The following ABCC4 variants were observed in gnomAD, a reference collection of about 807,000 sequenced individuals.
ABCC4 encodes the protein ATP-binding cassette sub-family C member 4.
In ABCC4, 102 loss-of-function variants were observed where a neutral mutation model predicts 168.5. The observed-to-expected ratio is 0.61, with a 90% CI of 0.52 to 0.71. The LOEUF (loss-of-function observed/expected upper bound fraction) is 0.71, where lower values mean the gene tolerates loss of function less well. ABCC4 is among the 30% of genes least tolerant of loss of function. The pLI is 0.00. For synonymous variants in ABCC4, 617 were observed against 590.7 expected (o/e 1.04, Z -0.65); for missense variants, 1,402 against 1,605.8 (o/e 0.87, Z 2.17).
At chr13:95,239,092 G>A (rs61972726) in intron 3 of ABCC4, among the ~76,000 whole-genome samples, 10,136 of 90,238 alleles carry the variant, frequency 0.11, 373 homozygotes, top group East Asian at 0.31. Context: ...TAGTTTATTT[G>A]ACTGTAAAAA....
At chr13:95,222,110 C>T (rs1290863750) in intron 4 of ABCC4, among the ~76,000 whole-genome samples, 1 of 152,190 alleles carries the variant, frequency 6.6e-6, no homozygotes, top group Non-Finnish European at 1.5e-5. Flanking sequence ...TGCATATGCC[C>T]TCACCCTCCA....
At chr13:95,034,781 T>G in intron 29 of ABCC4, 42 bp from the exon 30 acceptor site, 1 of 1,612,646 alleles carries the variant, frequency 6.2e-7, no homozygotes, top group Non-Finnish European at 8.5e-7. Context: ...CACAATGTTT[T>G]GCAGTAACAT....
At chr13:95,128,763 T>C (rs1412020715) in intron 19 of ABCC4, among the ~76,000 whole-genome samples, 1 of 152,186 alleles carries the variant, frequency 6.6e-6, no homozygotes, top group African/African-American at 2.4e-5. Flanking sequence ...CATTTTTGGT[T>C]CCCTGAACCT....
intron 4 of ABCC4, among the ~76,000 whole-genome samples, chr13:95,231,454 G>T (rs1312244737): frequency 6.6e-6 from 1 of 152,116 alleles, no homozygotes; most frequent in Non-Finnish European, 1.5e-5. Flanking sequence ...CATTCCATTT[G>T]CAACAGCCAA....
intron 30 of ABCC4, among the ~76,000 whole-genome samples, chr13:95,030,577 G>A (rs935589058): frequency 1.3e-5 from 2 of 152,164 alleles, no homozygotes; most frequent in Admixed American, 1.3e-4. Flanking sequence ...CCTTTAGGGT[G>A]GGCCCTGATC....
chr13:95,098,072 G>T (rs920552461), intron 20 of ABCC4, among the ~76,000 whole-genome samples: 15 of 150,142 alleles, frequency 1.0e-4, no homozygotes, highest in Middle Eastern at 6.4e-3. Context: ...GGAGGTGGAG[G>T]TTGCAGTGAG....
At chr13:95,066,346 C>A (rs999740239) in intron 25 of ABCC4, among the ~76,000 whole-genome samples, 2 of 152,200 alleles carry the variant, frequency 1.3e-5, no homozygotes, top group Admixed American at 1.3e-4. Flanking sequence ...GCCATAAAAT[C>A]TGCGAATTCC....
At chr13:95,272,813 G>A (rs917659478) in intron 1 of ABCC4, among the ~76,000 whole-genome samples, 3 of 152,128 alleles carry the variant, frequency 2.0e-5, no homozygotes, top group South Asian at 2.1e-4. Context: ...GCTTGAACCC[G>A]GGAGGCAGAG....
chr13:95,188,101 C>T (rs918545136), intron 10 of ABCC4, among the ~76,000 whole-genome samples: 22 of 152,172 alleles, frequency 1.4e-4, no homozygotes, highest in African/African-American at 4.6e-4. Context: ...GCCTTCATAA[C>T]CTCCAGATGT....
intron 14 of ABCC4, among the ~76,000 whole-genome samples, chr13:95,167,108 C>T (rs1026349959): frequency 1.3e-5 from 2 of 151,772 alleles, no homozygotes; most frequent in East Asian, 3.9e-4. Context: ...ACCCAGAAGG[C>T]GGAGGTTGCA....
intron 20 of ABCC4, among the ~76,000 whole-genome samples, chr13:95,110,348 A>G (rs2035162444): frequency 6.6e-6 from 1 of 151,522 alleles, no homozygotes; most frequent in Admixed American, 6.6e-5. Context: ...GAAAAGAATT[A>G]CAAATTATTT....
At chr13:95,109,180 A>G (rs1248052577) in intron 20 of ABCC4, among the ~76,000 whole-genome samples, 1 of 152,202 alleles carries the variant, frequency 6.6e-6, no homozygotes, top group Non-Finnish European at 1.5e-5. Flanking sequence ...CTATGAGTGA[A>G]GTTTAAATGA....
At chr13:95,176,780 A>G (rs1331017216) in intron 13 of ABCC4, among the ~76,000 whole-genome samples, 1 of 152,238 alleles carries the variant, frequency 6.6e-6, no homozygotes, top group Non-Finnish European at 1.5e-5. Context: ...GGAAAGGCTC[A>G]CTGACTTTAA....
chr13:95,188,845 TTGAAA>T (rs2038155493), intron 9 of ABCC4, among the ~76,000 whole-genome samples: 1 of 152,182 alleles, frequency 6.6e-6, no homozygotes, highest in South Asian at 2.1e-4. Context: ...GACAAGCTTC[TTGAAA>T]TGAAAACTCA....
intron 19 of ABCC4, among the ~76,000 whole-genome samples, chr13:95,121,959 T>C (rs2139427061): frequency 6.6e-6 from 1 of 152,270 alleles, no homozygotes; most frequent in Non-Finnish European, 1.5e-5. Context: ...ATGTTAGAGA[T>C]GTGAAGACAA....
At chr13:95,132,445 G>A (rs999111210) in intron 19 of ABCC4, among the ~76,000 whole-genome samples, 5 of 151,960 alleles carry the variant, frequency 3.3e-5, no homozygotes, top group African/African-American at 1.2e-4. Context: ...CGAACTCCTG[G>A]CCTCAAGTTG....
At position 95,184,101 on chromosome 13, in the gene ABCC4, G is replaced by T. The variant is rs1751007; in HGVS notation, c.1545+2600C>A. ...TCGCCATGCAGCCCAGCCCTGAGGG[G>T]ACCCCATTGCCACTGGAGTCTGCCT... On this transcript the variant is annotated intron_variant, in intron 11 of 30. Coordinates refer to ENST00000645237, the MANE Select transcript of ABCC4 (RefSeq NM_005845.5). 1.8e-3 allele frequency among the ~76,000 whole-genome samples: 276 copies of T among 152,312 alleles called. 1 individual carries two copies. Among genetic ancestry groups the T allele is most frequent in the African/African-American group, 6.5e-3 (271 of 41,564 alleles).
At chr13:95,134,184 C>T (rs2036066332) in intron 19 of ABCC4, among the ~76,000 whole-genome samples, 1 of 151,842 alleles carries the variant, frequency 6.6e-6, no homozygotes, top group South Asian at 2.1e-4. Context: ...CACTGAGAAC[C>T]GAAGGCCAAA....
At chr13:95,132,605 G>T (rs996718705) in intron 19 of ABCC4, among the ~76,000 whole-genome samples, 2 of 151,930 alleles carry the variant, frequency 1.3e-5, no homozygotes, top group African/African-American at 2.4e-5. Context: ...TTATTTTTTT[G>T]TTGTGGTATT....
Sources: gnomAD v4.1 joint callset for allele counts (sites outside exome capture counted in the v4.1 genomes callset) on GRCh38, gnomAD v4.1.1 for gene constraint, MANE v1.5 for transcripts, NCBI Gene and HGNC (gene_info 2026-07-23, HGNC 2026-07-21) for gene names.